Variants in AXDND1 observed in about 807,000 individuals in gnomAD.
The protein encoded by AXDND1 is axonemal dynein light chain domain-containing protein 1.
A neutral mutation model predicts 137.5 loss-of-function variants in AXDND1; 110 were observed. The ratio of observed to expected loss-of-function variants is 0.80; its 90% confidence interval spans 0.69 to 0.94. The LOEUF (loss-of-function observed/expected upper bound fraction) is 0.94. AXDND1 is among the 40% of genes least tolerant of loss of function. The pLI, the probability that AXDND1 is intolerant of heterozygous loss-of-function variation, is 0.00. For synonymous variants in AXDND1, 414 were observed against 399.7 expected (o/e 1.04, Z -0.43); for missense variants, 1,191 against 1,169.8 (o/e 1.02, Z -0.26).
intron 20 of AXDND1, among the ~76,000 whole-genome samples, chr1:179,498,132 A>G (rs930127710): frequency 2.0e-5 from 3 of 151,694 alleles, no homozygotes; most frequent in African/African-American, 7.2e-5. Flanking sequence ...TATCAATGTC[A>G]TTCTTCACAG....
chr1:179,379,889 T>C (rs1373747605), intron 6 of AXDND1, among the ~76,000 whole-genome samples: 1 of 151,644 alleles, frequency 6.6e-6, no homozygotes, highest in African/African-American at 2.4e-5. Context: ...AGTACACTCA[T>C]ATTCCTGAGC....
intron 16 of AXDND1, among the ~76,000 whole-genome samples, chr1:179,459,145 A>G (rs1661842947): frequency 6.6e-6 from 1 of 152,176 alleles, no homozygotes. Context: ...ATTAGTTTTT[A>G]TCACCTCAAG....
intron 17 of AXDND1, among the ~76,000 whole-genome samples, chr1:179,469,406 G>A (rs1396086712): frequency 1.3e-5 from 2 of 151,972 alleles, no homozygotes; most frequent in South Asian, 2.1e-4. Flanking sequence ...TTATTCATTT[G>A]TCCATTGATA....
At chr1:179,528,239 TG>T in intron 22 of AXDND1, 87 bp from the exon 23 acceptor site, 1 of 849,384 alleles carries the variant, frequency 1.2e-6, no homozygotes, top group Non-Finnish European at 1.9e-6. Context: ...GCTTCCAACA[TG>T]GTGCCAGGAA....
At chr1:179,405,089 A>C (rs1558130371) in intron 11 of AXDND1, among the ~76,000 whole-genome samples, 1 of 151,238 alleles carries the variant, frequency 6.6e-6, no homozygotes, top group Non-Finnish European at 1.5e-5. Flanking sequence ...CCAACCCCCA[A>C]CAGGCCTGAT....
rs115809878 is a variant in AXDND1 at position 179,523,657 on chromosome 1, C to G, written c.2497-1677C>G. 9.8e-3 allele frequency among the ~76,000 whole-genome samples: 1,489 copies of G among 152,180 alleles called. 38 individuals carry two copies. Among genetic ancestry groups the G allele is most frequent in the African/African-American group, 0.034 (1,431 of 41,518 alleles). On this transcript the variant is annotated intron_variant, in intron 21 of 25. Transcript: ENST00000367618. ...TATGTGGCCTTTTGTGCTTATTTCC[C>G]TTAGCATAGTGTTTTCAGAGGTCAG... is the stretch of plus-strand genomic sequence containing the variant.
chr1:179,460,685 A>G lies in AXDND1; in HGVS notation c.1799-7758A>G, dbSNP rs549263923. Among the ~76,000 whole-genome samples the G allele has an allele frequency of 8.9e-4, 136 of 152,226 alleles. 1 individual carries two copies. Among genetic ancestry groups the G allele is most frequent in the Middle Eastern group, 3.4e-3 (1 of 294 alleles). On this transcript the variant is annotated intron_variant, in intron 16 of 25. Coordinates refer to ENST00000367618, the MANE Select transcript of AXDND1 (RefSeq NM_144696.6). ...CCAACAACAGTGTAAAAGTGTTCCT[A>G]TTTCTCCACATCCTCTCCAGCACCT...
At position 179,379,414 on chromosome 1, in the gene AXDND1, T is replaced by C; in HGVS notation, c.513T>C (p.Asp171=). The C allele has an allele frequency of 6.2e-7, 1 of 1,613,748 alleles. No individual in the cohort carries two copies. Among genetic ancestry groups the C allele is most frequent in the Non-Finnish European group, 8.5e-7 (1 of 1,179,772 alleles). ...IVPHKPKTLT[D]TLIPEEFHIV... ...CTTTTAAGCCAAAGACACTAACAGA[T>C]ACTTTGATTCCTGAAGAATTTCATA... is the stretch of plus-strand genomic sequence containing the variant. The change falls in exon 6 of 26, where the codon GAT becomes GAC. Residue 171 remains aspartate (D), a synonymous_variant. Transcript: ENST00000367618.
chr1:179,399,725 G>A (rs1437634593), intron 11 of AXDND1, among the ~76,000 whole-genome samples: 3 of 151,750 alleles, frequency 2.0e-5, no homozygotes, highest in African/African-American at 7.3e-5. Context: ...CAAACAAATC[G>A]GTAAGAAAAA....
intron 15 of AXDND1, among the ~76,000 whole-genome samples, chr1:179,435,581 A>C (rs1658026863): frequency 6.6e-6 from 1 of 152,224 alleles, no homozygotes; most frequent in Admixed American, 6.5e-5. Flanking sequence ...CCTGACAAAA[A>C]CATGCAATGG....
intron 16 of AXDND1, among the ~76,000 whole-genome samples, chr1:179,467,293 T>G (rs1345669729): frequency 1.3e-5 from 2 of 152,146 alleles, no homozygotes; most frequent in East Asian, 3.8e-4. Context: ...AATTTAATTT[T>G]CTATGGCAGC....
At chr1:179,367,305 C>T (rs866151481) in intron 2 of AXDND1, among the ~76,000 whole-genome samples, 9 of 151,968 alleles carry the variant, frequency 5.9e-5, no homozygotes, top group African/African-American at 2.2e-4. Flanking sequence ...ATCACGAGGT[C>T]AAGAGATTGA....
At chr1:179,483,387 G>C (rs12407885) in intron 18 of AXDND1, among the ~76,000 whole-genome samples, 166 bp downstream of exon 18, 69,447 of 152,100 alleles carry the variant, frequency 0.46, 16,738 homozygotes, top group East Asian at 0.76. Flanking sequence ...TTTTAAAGCA[G>C]AATGTTTCTG....
chr1:179,542,280 T>G (rs1672244583), intron 25 of AXDND1, among the ~76,000 whole-genome samples: 1 of 152,200 alleles, frequency 6.6e-6, no homozygotes, highest in Non-Finnish European at 1.5e-5. Context: ...CAGTTCCTGG[T>G]GCAAAGGATA....
chr1:179,461,650 C>G (rs994997183), intron 16 of AXDND1, among the ~76,000 whole-genome samples: 9 of 152,104 alleles, frequency 5.9e-5, no homozygotes, highest in Non-Finnish European at 1.0e-4. Flanking sequence ...GCAGTATGGC[C>G]ATTTTCACGA....
intron 21 of AXDND1, among the ~76,000 whole-genome samples, chr1:179,522,237 A>G (rs1453664814): frequency 6.6e-6 from 1 of 152,092 alleles, no homozygotes. Flanking sequence ...CCAGTTCACT[A>G]ATTTGCCCTC....
At chr1:179,447,921 G>C in intron 16 of AXDND1, 1 of 1,371,454 alleles carries the variant, frequency 7.3e-7, no homozygotes, top group Non-Finnish European at 1.0e-6. Context: ...GAGGTGGAGA[G>C]AGCGTGTTTA....
intron 16 of AXDND1, among the ~76,000 whole-genome samples, chr1:179,458,828 CA>C (rs1275864211): frequency 6.6e-6 from 1 of 150,434 alleles, no homozygotes; most frequent in Admixed American, 6.6e-5. Flanking sequence ...ATTAACCTAA[CA>C]AAATAGATGA....
intron 11 of AXDND1, among the ~76,000 whole-genome samples, chr1:179,400,858 TC>T (rs1651884426): frequency 8.2e-6 from 1 of 121,304 alleles, no homozygotes; most frequent in South Asian, 2.5e-4. Context: ...TGAGCCGAGA[TC>T]ATGCCACTGC....
Sources: gnomAD v4.1 joint callset for allele counts (sites outside exome capture counted in the v4.1 genomes callset) on GRCh38, gnomAD v4.1.1 for gene constraint, MANE v1.5 for transcripts, NCBI Gene and HGNC (gene_info 2026-07-23, HGNC 2026-07-21) for gene names.